The following TGFA variants were observed in gnomAD, a reference collection of about 807,000 sequenced individuals.
TGFA encodes the protein protransforming growth factor alpha.
A neutral mutation model predicts 21.7 loss-of-function variants in TGFA; 12 were observed. The ratio of observed to expected loss-of-function variants is 0.55; its 90% CI spans 0.35 to 0.90. TGFA has a LOEUF of 0.90. Among genes scored for constraint, TGFA ranks in the 40% least tolerant of loss-of-function variants. TGFA has a pLI of 0.01. For synonymous variants in TGFA, 79 were observed against 88.1 expected (o/e 0.90, Z 0.58); for missense variants, 178 against 210.8 (o/e 0.84, Z 0.96).
At chr2:70,535,045 T>TC (rs1445064180) in intron 1 of TGFA, among the ~76,000 whole-genome samples, 2 of 151,872 alleles carry the variant, frequency 1.3e-5, no homozygotes, top group African/African-American at 4.8e-5. Flanking sequence ...TTCAGTTTTT[T>TC]TTTTAAATCT....
chr2:70,506,394 T>C (rs404420), intron 2 of TGFA, among the ~76,000 whole-genome samples: 113,941 of 152,104 alleles, frequency 0.75, 43,207 homozygotes, highest in African/African-American at 0.87. Flanking sequence ...CCAACTGTAA[T>C]AAAATGTGGT....
At chr2:70,455,551 G>A (rs1223149588) in intron 4 of TGFA, among the ~76,000 whole-genome samples, 1 of 152,152 alleles carries the variant, frequency 6.6e-6, no homozygotes, top group Non-Finnish European at 1.5e-5. Flanking sequence ...TTAGGTTGGT[G>A]CAAAAGTAAT....
At chr2:70,462,782 C>T (rs1670442160) in intron 3 of TGFA, among the ~76,000 whole-genome samples, 1 of 152,058 alleles carries the variant, frequency 6.6e-6, no homozygotes, top group East Asian at 1.9e-4. Context: ...AGGGGGGAAA[C>T]TGAGGTAAAG....
intron 2 of TGFA, among the ~76,000 whole-genome samples, chr2:70,494,172 CT>C (rs1198839464): frequency 6.6e-6 from 1 of 152,112 alleles, no homozygotes; most frequent in Admixed American, 6.5e-5. Context: ...AACACATCTT[CT>C]CTTCTGTTTG....
chr2:70,541,030 C>A (rs373425), intron 1 of TGFA, among the ~76,000 whole-genome samples: 2 of 151,898 alleles, frequency 1.3e-5, no homozygotes, highest in African/African-American at 4.8e-5. Flanking sequence ...TATAAACGTG[C>A]ACAGCTTTTC....
At chr2:70,525,033 T>C (rs1341404240) in intron 1 of TGFA, among the ~76,000 whole-genome samples, 1 of 152,126 alleles carries the variant, frequency 6.6e-6, no homozygotes, top group Non-Finnish European at 1.5e-5. Context: ...GTGGCTGAAA[T>C]CAAACCAAGC....
chr2:70,548,320 A>G (rs1673379123), intron 1 of TGFA, among the ~76,000 whole-genome samples: 2 of 152,308 alleles, frequency 1.3e-5, no homozygotes, highest in South Asian at 2.1e-4. Flanking sequence ...GAAGCCCTCA[A>G]ACTGATAGAG....
At chr2:70,453,634 C>T (rs1273875380) in intron 4 of TGFA, among the ~76,000 whole-genome samples, 7 of 152,214 alleles carry the variant, frequency 4.6e-5, no homozygotes, top group African/African-American at 1.4e-4. Flanking sequence ...GTCCTCCACT[C>T]GGCTTTCTTG....
At chr2:70,517,961 T>G (rs782120989) in intron 1 of TGFA, among the ~76,000 whole-genome samples, 2 of 152,246 alleles carry the variant, frequency 1.3e-5, no homozygotes, top group Non-Finnish European at 2.9e-5. Context: ...GCCACACGAC[T>G]GTGCTTAGAA....
At chr2:70,505,726 T>G (rs568639939) in intron 2 of TGFA, among the ~76,000 whole-genome samples, 1 of 152,206 alleles carries the variant, frequency 6.6e-6, no homozygotes, top group East Asian at 1.9e-4. Context: ...CCCCACTACA[T>G]TGTGAATAGA....
intron 1 of TGFA, among the ~76,000 whole-genome samples, chr2:70,528,482 G>A (rs1478787002): frequency 6.6e-6 from 1 of 151,350 alleles, no homozygotes; most frequent in Non-Finnish European, 1.5e-5. Flanking sequence ...AAAAGGCAGG[G>A]GTTGGGGGAG....
chr2:70,552,780 C>T (rs918986130), intron 1 of TGFA, among the ~76,000 whole-genome samples: 4 of 152,210 alleles, frequency 2.6e-5, no homozygotes, highest in Admixed American at 6.5e-5. Flanking sequence ...GCATGCTATA[C>T]GGGTTAAACT....
intron 2 of TGFA, among the ~76,000 whole-genome samples, chr2:70,508,716 A>G (rs1553500559): frequency 1.3e-5 from 2 of 152,220 alleles, no homozygotes; most frequent in Admixed American, 6.5e-5. Context: ...AAACTATTCA[A>G]TTCCACTTTT....
chr2:70,452,639 A>C (rs1670093114), intron 5 of TGFA, among the ~76,000 whole-genome samples: 1 of 152,174 alleles, frequency 6.6e-6, no homozygotes, highest in African/African-American at 2.4e-5. Context: ...CATCTTTTTA[A>C]GAATAAGAAA....
chr2:70,472,617 A>G (rs963402505), intron 2 of TGFA, among the ~76,000 whole-genome samples: 9 of 152,204 alleles, frequency 5.9e-5, no homozygotes, highest in African/African-American at 1.7e-4. Context: ...GGAGACAGCC[A>G]TCTGGACAGC....
rs1390500354 is a variant in TGFA at position 70,448,911 on chromosome 2, G to A, written c.*1948C>T. The A allele has an allele frequency of 3.9e-5, 6 of 152,226 alleles. No homozygotes were observed. Among genetic ancestry groups the A allele is most frequent in the Non-Finnish European group, 8.8e-5 (6 of 68,044 alleles). The allele number at this position is 152,226 out of a possible 1,614,324, so 9.4% of individuals were successfully genotyped here. A position where few individuals can be genotyped will look rare whatever the true frequency, so the allele number is the denominator to read the frequency against. ...TGTCCAGCCTCATTCCTACGCCTCT[G>A]CAAAGTCTCTTGGATGCTAACTACT... On this transcript the variant is annotated 3_prime_UTR_variant, in exon 6 of 6. Transcript: ENST00000295400.
intron 1 of TGFA, among the ~76,000 whole-genome samples, chr2:70,546,313 A>T (rs1239398171): frequency 2.0e-5 from 3 of 151,960 alleles, no homozygotes; most frequent in African/African-American, 7.3e-5. Flanking sequence ...TTTTATTTTT[A>T]ATGTCAACTT....
chr2:70,459,063 CTT>C (rs1297869212), intron 3 of TGFA, among the ~76,000 whole-genome samples: 1 of 152,194 alleles, frequency 6.6e-6, no homozygotes, highest in Non-Finnish European at 1.5e-5. Flanking sequence ...TTTGCAGAGT[CTT>C]TTGTGAAAGT....
At chr2:70,506,088 CT>C (rs1553500110) in intron 2 of TGFA, among the ~76,000 whole-genome samples, 2 of 152,216 alleles carry the variant, frequency 1.3e-5, no homozygotes, top group Non-Finnish European at 2.9e-5. Flanking sequence ...GAAAACAGAG[CT>C]GATGTTTCAC....
Sources: allele counts gnomAD v4.1 joint callset (sites outside exome capture counted in the v4.1 genomes callset), GRCh38; gene constraint gnomAD v4.1.1; transcripts MANE v1.5; gene names NCBI Gene and HGNC (gene_info 2026-07-23, HGNC 2026-07-21).